The following FYN variants were observed in gnomAD, a reference collection of about 807,000 sequenced individuals.
FYN encodes tyrosine-protein kinase Fyn.
A neutral mutation model predicts 70.2 loss-of-function variants in FYN; 10 were observed. That is an observed-to-expected ratio of 0.14 (90% CI 0.09 to 0.24). The LOEUF is 0.24. Ranked by LOEUF, FYN falls within the 10% of genes least tolerant of loss-of-function variation. The pLI, the probability that FYN is intolerant of heterozygous loss-of-function variation, is 1.00. For synonymous variants in FYN, 236 were observed against 248.6 expected (o/e 0.95, Z 0.48); for missense variants, 319 against 673.1 (o/e 0.47, Z 5.82).
rs367968412 is a variant in FYN, at chr6:111,719,866, G to A, written c.186C>T (p.Thr62=). 5.1e-5 allele frequency: 83 copies of A among 1,613,978 alleles called. No homozygotes were observed. Among genetic ancestry groups the A allele is most frequent in the East Asian group, 6.7e-5 (3 of 44,888 alleles). The change falls in exon 4 of 14, where the codon ACC becomes ACT. Residue 62 remains threonine, a synonymous_variant. Coordinates refer to ENST00000354650, the MANE Select transcript of FYN (RefSeq NM_002037.5). ...ACGAAGAGTTCACACCTCCAAAGAC[G>A]GTGAGTCCTTGGCCCCCGGCTGCGT... ...NFHAAGGQGL[T]VFGGVNSSSH...
At chr6:111,736,135 G>A (rs1342800515) in intron 3 of FYN, among the ~76,000 whole-genome samples, 1 of 152,148 alleles carries the variant, frequency 6.6e-6, no homozygotes, top group Non-Finnish European at 1.5e-5. Context: ...GTCACAAGAG[G>A]ATCCTGAAGG....
chr6:111,760,123 G>A (rs991852695), intron 3 of FYN, among the ~76,000 whole-genome samples: 5 of 152,038 alleles, frequency 3.3e-5, no homozygotes, highest in African/African-American at 1.2e-4. Context: ...ACCGTACTGT[G>A]AAAAGTTTGA....
intron 2 of FYN, among the ~76,000 whole-genome samples, chr6:111,789,604 G>A (rs1771534678): frequency 6.6e-6 from 1 of 152,188 alleles, no homozygotes; most frequent in African/African-American, 2.4e-5. Flanking sequence ...AGACTCATGA[G>A]AATGAAGCAT....
intron 3 of FYN, among the ~76,000 whole-genome samples, chr6:111,736,366 C>T (rs1310468515): frequency 2.0e-5 from 3 of 152,206 alleles, no homozygotes; most frequent in Admixed American, 1.3e-4. Context: ...GCTCTACTCA[C>T]ATATACAGGC....
intron 3 of FYN, among the ~76,000 whole-genome samples, chr6:111,740,762 A>T (rs1801925264): frequency 6.6e-6 from 1 of 152,120 alleles, no homozygotes; most frequent in South Asian, 2.1e-4. Flanking sequence ...AGTCTGCACA[A>T]ACTTTCCCCT....
At chr6:111,865,438 T>C (rs949050029) in intron 1 of FYN, among the ~76,000 whole-genome samples, 2 of 152,238 alleles carry the variant, frequency 1.3e-5, no homozygotes, top group Admixed American at 1.3e-4. Context: ...GTAAGCATTA[T>C]CTTTTCCTCC....
intron 3 of FYN, among the ~76,000 whole-genome samples, chr6:111,720,525 G>T (rs1168096034): frequency 1.3e-5 from 2 of 152,164 alleles, no homozygotes; most frequent in Admixed American, 6.5e-5. Flanking sequence ...GGATAAGCCA[G>T]AATACAACCT....
intron 12 of FYN, among the ~76,000 whole-genome samples, chr6:111,682,405 T>C (rs1175083906): frequency 6.6e-6 from 1 of 152,252 alleles, no homozygotes; most frequent in Non-Finnish European, 1.5e-5. Flanking sequence ...GAAGTCCCTC[T>C]ATCCCTAGTG....
intron 3 of FYN, among the ~76,000 whole-genome samples, chr6:111,720,590 A>G (rs1481895022): frequency 2.6e-5 from 4 of 152,094 alleles, no homozygotes; most frequent in Non-Finnish European, 5.9e-5. Flanking sequence ...CAGGCACAAA[A>G]CTGGTCAATT....
chr6:111,693,156 C>T (rs1799417641), intron 12 of FYN, among the ~76,000 whole-genome samples: 1 of 152,076 alleles, frequency 6.6e-6, no homozygotes. Flanking sequence ...AAGAATGCTT[C>T]CATTCTCAGA....
chr6:111,774,355 C>G (rs942530651), intron 3 of FYN, among the ~76,000 whole-genome samples: 1 of 152,104 alleles, frequency 6.6e-6, no homozygotes, highest in Non-Finnish European at 1.5e-5. Context: ...TCAGATAGTG[C>G]GGGTGTGCAC....
intron 12 of FYN, among the ~76,000 whole-genome samples, chr6:111,693,858 T>G (rs1219108176): frequency 6.6e-6 from 1 of 152,130 alleles, no homozygotes; most frequent in Non-Finnish European, 1.5e-5. Flanking sequence ...CTGACGTCTC[T>G]CTTTACTGAG....
chr6:111,735,886 A>T (rs538322283), intron 3 of FYN, among the ~76,000 whole-genome samples: 1 of 152,332 alleles, frequency 6.6e-6, no homozygotes, highest in East Asian at 1.9e-4. Flanking sequence ...TGCAGAGGTG[A>T]TCTACTTTGG....
At chr6:111,845,233 C>T (rs1773491559) in intron 2 of FYN, among the ~76,000 whole-genome samples, 1 of 152,252 alleles carries the variant, frequency 6.6e-6, no homozygotes, top group South Asian at 2.1e-4. Context: ...TGAGGGGGCT[C>T]CTGGCACCCA....
intron 2 of FYN, among the ~76,000 whole-genome samples, chr6:111,808,005 G>A (rs1772204663): frequency 6.6e-6 from 1 of 152,158 alleles, no homozygotes; most frequent in Non-Finnish European, 1.5e-5. Context: ...CTACTCGAGA[G>A]GCTGAGGTAG....
rs1040947368 is a variant in FYN, at chr6:111,663,137, A to G, written c.1406-1190T>C. 1.1e-4 allele frequency among the ~76,000 whole-genome samples: 16 copies of G among 152,306 alleles called. No individual in the cohort carries two copies. The South Asian group carries it at 1.9e-3, about 18-fold the overall frequency. On this transcript the variant is annotated intron_variant, in intron 13 of 13. Transcript: ENST00000354650. ...ATCACCTTCTGCCAGCTCCCCGTCA[A>G]GCTGTGCTGTGCTTTGGTTGCTTCC...
At chr6:111,767,902 C>T (rs1289382081) in intron 3 of FYN, among the ~76,000 whole-genome samples, 1 of 152,196 alleles carries the variant, frequency 6.6e-6, no homozygotes, top group African/African-American at 2.4e-5. Context: ...CCCCTTAAAA[C>T]TAATGAGGGT....
chr6:111,696,343 G>C lies in FYN; in HGVS notation c.976C>G (p.Leu326Val). ...QIMKKLKHDKLVQLYAVVSEE... is the reference protein window; with the variant it reads ...QIMKKLKHDKVVQLYAVVSEE... ...GACACCACTGCATAGAGCTGGACCA[G>C]CTTGTCGTGCTTCAGCTTCTTCATG... Residue 326 changes from leucine to valine, a missense_variant, in exon 10 of 14, where the codon CTG (leucine) becomes GTG (valine). Coordinates refer to ENST00000354650, the MANE Select transcript of FYN (RefSeq NM_002037.5). 6.2e-7 allele frequency: 1 copy of C among 1,614,000 alleles called. No homozygotes were observed. The highest frequency in any genetic ancestry group is 1.1e-5 in the South Asian group (1 of 91,004).
intron 3 of FYN, among the ~76,000 whole-genome samples, chr6:111,760,788 T>C (rs1404302952): frequency 2.6e-5 from 4 of 152,342 alleles, no homozygotes; most frequent in Non-Finnish European, 5.9e-5. Flanking sequence ...AGTGCAATTA[T>C]AGTTTTTAGA....
Sources: allele counts gnomAD v4.1 joint callset (sites outside exome capture counted in the v4.1 genomes callset), GRCh38; gene constraint gnomAD v4.1.1; transcripts MANE v1.5; gene names NCBI Gene and HGNC (gene_info 2026-07-23, HGNC 2026-07-21).